The following DPP6 variants were observed in gnomAD, a reference collection of about 807,000 sequenced individuals.
The protein encoded by DPP6 is dipeptidyl peptidase like 6.
A neutral mutation model predicts 122.6 loss-of-function variants in DPP6; 69 were observed. The observed-to-expected ratio is 0.56, with a 90% CI of 0.46 to 0.69. The LOEUF (loss-of-function observed/expected upper bound fraction) is 0.69, where lower values mean the gene tolerates loss of function less well. Ranked by LOEUF, DPP6 falls within the 30% of genes least tolerant of loss-of-function variation. The pLI is 0.00. For synonymous variants in DPP6, 418 were observed against 433.1 expected, an observed-to-expected ratio of 0.97 and a Z score of 0.43; for missense variants, 928 against 1,116.9, an observed-to-expected ratio of 0.83 and a Z score of 2.41.
At chr7:154,497,380 G>T (rs1335003089) in intron 3 of DPP6, among the ~76,000 whole-genome samples, 1 of 152,144 alleles carries the variant, frequency 6.6e-6, no homozygotes. Context: ...GGCCCAGTTG[G>T]TTGGATCACT....
At chr7:154,170,221 T>G (rs1333174736) in intron 1 of DPP6, among the ~76,000 whole-genome samples, 1 of 152,112 alleles carries the variant, frequency 6.6e-6, no homozygotes, top group Non-Finnish European at 1.5e-5. Flanking sequence ...CCCAGCTCCA[T>G]CCAGGGCTGT....
intron 1 of DPP6, among the ~76,000 whole-genome samples, chr7:154,406,492 T>C (rs1020487866): frequency 6.7e-6 from 1 of 149,320 alleles, no homozygotes; most frequent in African/African-American, 2.5e-5. Context: ...CACACACACA[T>C]GCACACATAC....
At chr7:154,870,143 A>ATTTT (rs1310478201) in intron 18 of DPP6, among the ~76,000 whole-genome samples, 2 of 110,876 alleles carry the variant, frequency 1.8e-5, no homozygotes, top group Non-Finnish European at 3.5e-5. Context: ...TGCCCAACTA[A>ATTTT]TTCTTTTTTT....
chr7:153,766,779 ATCAT>A, the DPP6 span, among the ~76,000 whole-genome samples: 14 of 152,358 alleles, frequency 9.2e-5, no homozygotes, highest in African/African-American at 3.4e-4. Flanking sequence ...TACAATCTGT[ATCAT>A]TATAAAAACA....
chr7:153,870,489 T>C, the DPP6 span, among the ~76,000 whole-genome samples: 4 of 152,218 alleles, frequency 2.6e-5, no homozygotes, highest in African/African-American at 7.2e-5. Context: ...CGTGCTGTGG[T>C]TTTCAGCTCC....
chr7:154,886,048 C>T (rs917506829), intron 22 of DPP6, among the ~76,000 whole-genome samples: 4 of 152,218 alleles, frequency 2.6e-5, no homozygotes, highest in African/African-American at 4.8e-5. Flanking sequence ...AGCCAGGGTG[C>T]GCAGGAGGGG....
At chr7:154,214,851 A>C (rs1799916320) in intron 1 of DPP6, among the ~76,000 whole-genome samples, 2 of 152,126 alleles carry the variant, frequency 1.3e-5, no homozygotes, top group African/African-American at 4.8e-5. Context: ...CCAGAAAGTC[A>C]AGGATGCTGT....
At chr7:154,709,047 C>A (rs1255262850) in intron 7 of DPP6, among the ~76,000 whole-genome samples, 21 of 149,832 alleles carry the variant, frequency 1.4e-4, no homozygotes, top group Admixed American at 2.0e-4. Flanking sequence ...GACTCTGTCT[C>A]AAAAAATAAA....
At chr7:154,017,132 A>G (rs1369260287) in intron 1 of DPP6, among the ~76,000 whole-genome samples, 3 of 152,108 alleles carry the variant, frequency 2.0e-5, no homozygotes, top group African/African-American at 7.2e-5. Flanking sequence ...AAGTGGTGCA[A>G]TCATGTCTCA....
chr7:154,082,199 T>G (rs1044767297), intron 1 of DPP6, among the ~76,000 whole-genome samples: 30 of 152,136 alleles, frequency 2.0e-4, no homozygotes, highest in African/African-American at 7.2e-4. Flanking sequence ...GCTGAATAAA[T>G]GAATGAATAA....
intron 1 of DPP6, among the ~76,000 whole-genome samples, chr7:153,950,281 C>T (rs1802147994): frequency 6.6e-6 from 1 of 152,004 alleles, no homozygotes; most frequent in South Asian, 2.1e-4. Context: ...GGAGTCCAGG[C>T]AGAGATGGCG....
the DPP6 span, among the ~76,000 whole-genome samples, chr7:153,760,774 TGTGA>T: frequency 1.3e-5 from 2 of 152,194 alleles, no homozygotes; most frequent in South Asian, 2.1e-4. Context: ...TTCTGTCCTG[TGTGA>T]GTGTCAGGGC....
chr7:153,926,514 G>T (rs1187291247), intron 1 of DPP6, among the ~76,000 whole-genome samples: 1 of 152,174 alleles, frequency 6.6e-6, no homozygotes, highest in Non-Finnish European at 1.5e-5. Context: ...GAAGATGGGT[G>T]TGTTTTATTT....
chr7:153,875,335 T>C, the DPP6 span, among the ~76,000 whole-genome samples: 1 of 152,056 alleles, frequency 6.6e-6, no homozygotes, highest in Non-Finnish European at 1.5e-5. Context: ...TTTGTCAAAC[T>C]TCCAGTAAAG....
At chr7:154,405,165 TGAA>T (rs1191561773) in intron 1 of DPP6, among the ~76,000 whole-genome samples, 3 of 152,190 alleles carry the variant, frequency 2.0e-5, no homozygotes, top group Admixed American at 2.0e-4. Flanking sequence ...AGTTTGTAGA[TGAA>T]GAAACTATGA....
intron 1 of DPP6, among the ~76,000 whole-genome samples, chr7:154,130,870 C>T (rs1295472060): frequency 1.3e-5 from 2 of 152,132 alleles, no homozygotes; most frequent in African/African-American, 4.8e-5. Flanking sequence ...AAAACAACTA[C>T]GGAGCAGATC....
At chr7:154,529,489 C>T (rs1383653598) in intron 3 of DPP6, among the ~76,000 whole-genome samples, 1 of 152,120 alleles carries the variant, frequency 6.6e-6, no homozygotes, top group Non-Finnish European at 1.5e-5. Context: ...TCCATAATGT[C>T]TAGGATATAA....
chr7:154,861,837 G>A (rs1803425865), intron 17 of DPP6, among the ~76,000 whole-genome samples: 1 of 152,116 alleles, frequency 6.6e-6, no homozygotes, highest in African/African-American at 2.4e-5. Flanking sequence ...CCTTTTGGTG[G>A]TCGCTTCTTT....
At chr7:154,208,453 T>C (rs1222378415) in intron 1 of DPP6, among the ~76,000 whole-genome samples, 1 of 152,224 alleles carries the variant, frequency 6.6e-6, no homozygotes, top group African/African-American at 2.4e-5. Context: ...CCCCGCTGAC[T>C]CATCCCATCT....
Sources: gnomAD v4.1 joint callset for allele counts (sites outside exome capture counted in the v4.1 genomes callset) on GRCh38, gnomAD v4.1.1 for gene constraint, MANE v1.5 for transcripts, NCBI Gene and HGNC (gene_info 2026-07-23, HGNC 2026-07-21) for gene names.